The following ADGRL2 variants were observed in gnomAD, a reference collection of about 807,000 sequenced individuals.
ADGRL2 encodes calcium-independent alpha-latrotoxin receptor 2.
A neutral mutation model predicts 157.4 loss-of-function variants in ADGRL2; 44 were observed. The ratio of observed to expected loss-of-function variants is 0.28; its 90% CI spans 0.22 to 0.36. The LOEUF (loss-of-function observed/expected upper bound fraction) is 0.36. Among genes scored for constraint, ADGRL2 ranks in the 10% least tolerant of loss-of-function variants. ADGRL2 has a pLI of 1.00. For missense variants in ADGRL2, 1,510 were observed against 1,768.9 expected (o/e 0.85, Z 2.63); for synonymous variants, 585 against 624.7 (o/e 0.94, Z 0.95).
chr1:81,477,146 A>G (rs1369628660), intron 2 of ADGRL2, among the ~76,000 whole-genome samples: 1 of 152,212 alleles, frequency 6.6e-6, no homozygotes, highest in Non-Finnish European at 1.5e-5. Context: ...GCACTGTGCT[A>G]TGGTTTACAT....
chr1:81,563,748 T>G (rs1464722369), intron 2 of ADGRL2, among the ~76,000 whole-genome samples: 1 of 152,198 alleles, frequency 6.6e-6, no homozygotes, highest in Middle Eastern at 3.2e-3. Context: ...AAGCATAACA[T>G]CTCAAAACAG....
intron 2 of ADGRL2, among the ~76,000 whole-genome samples, chr1:81,470,338 A>C (rs564553274): frequency 2.1e-4 from 32 of 152,122 alleles, no homozygotes; most frequent in Non-Finnish European, 3.5e-4. Context: ...GCTTTGTAAA[A>C]TCCATCATTA....
At chr1:81,438,078 A>G (rs2077441409) in intron 1 of ADGRL2, among the ~76,000 whole-genome samples, 1 of 150,698 alleles carries the variant, frequency 6.6e-6, no homozygotes, top group Non-Finnish European at 1.5e-5. Context: ...TTCTCACCGA[A>G]TATGCCCCGT....
chr1:81,606,448 G>A (rs568530177), intron 3 of ADGRL2, among the ~76,000 whole-genome samples: 1 of 151,794 alleles, frequency 6.6e-6, no homozygotes, highest in African/African-American at 2.4e-5. Flanking sequence ...AATGCACAAA[G>A]TAGACTACCA....
chr1:81,395,921 A>C (rs1467039118), intron 1 of ADGRL2, among the ~76,000 whole-genome samples: 1 of 152,150 alleles, frequency 6.6e-6, no homozygotes, highest in African/African-American at 2.4e-5. Flanking sequence ...TTATGCTAGT[A>C]CCATGTTATT....
At chr1:81,462,564 C>G (rs1322186250) in intron 2 of ADGRL2, among the ~76,000 whole-genome samples, 1 of 152,084 alleles carries the variant, frequency 6.6e-6, no homozygotes, top group Non-Finnish European at 1.5e-5. Context: ...CCTACATGAC[C>G]TACAAACAAT....
chr1:81,822,027 A>AGTTT (rs1557709112), intron 1 of ADGRL2, among the ~76,000 whole-genome samples: 1 of 18,372 alleles, frequency 5.4e-5, no homozygotes, highest in South Asian at 1.2e-3. Context: ...AATATCAGAA[A>AGTTT]CTTTTTTTTT....
intron 1 of ADGRL2, among the ~76,000 whole-genome samples, chr1:81,708,036 T>A (rs1276864898): frequency 6.6e-6 from 1 of 152,202 alleles, no homozygotes; most frequent in Non-Finnish European, 1.5e-5. Flanking sequence ...ACGCTTGTTC[T>A]CTCTTTCTTT....
At position 81,966,169 on chromosome 1, in the gene ADGRL2, A is replaced by G. The variant is rs200568074; in HGVS notation, c.2129A>G (p.Gln710Arg). Residue 710 changes from glutamine to arginine, a missense_variant, in exon 12 of 24, where the codon CAG becomes CGG. Coordinates refer to ENST00000686636, the MANE Select transcript of ADGRL2 (RefSeq NM_001366006.2). The stretch of plus-strand genomic sequence containing the variant: ...CAACTGTCCGCAAATACCGTCAAAC[A>G]GAACAGCAGGAATGGTAAGGTGGAA... ...SIQLSANTVK[Q>R]NSRNGLAKLV... 33 of 1,614,016 alleles carry G rather than the reference A, an allele frequency of 2.0e-5. No homozygotes were observed. Among genetic ancestry groups the G allele is most frequent in the Non-Finnish European group, 2.7e-5 (32 of 1,179,994 alleles).
chr1:81,724,517 T>TA (rs1474155361), intron 1 of ADGRL2, among the ~76,000 whole-genome samples: 1 of 152,146 alleles, frequency 6.6e-6, no homozygotes, highest in East Asian at 1.9e-4. Flanking sequence ...AGTGTAATCC[T>TA]ACCCCCACCT....
At chr1:81,952,240 A>T in intron 9 of ADGRL2, 98 bp downstream of exon 9, 1 of 949,050 alleles carries the variant, frequency 1.1e-6, no homozygotes, top group Non-Finnish European at 1.5e-6. Flanking sequence ...GCCCCGGGAC[A>T]TATACTTAGA....
intron 17 of ADGRL2, among the ~76,000 whole-genome samples, chr1:81,972,908 T>C (rs1659154616): frequency 3.7e-5 from 1 of 26,886 alleles, no homozygotes; most frequent in Admixed American, 5.4e-4. Context: ...CGAGACCCTG[T>C]CTTAAAAAAA....
In ADGRL2 at chr1:81,686,175, C is replaced by T. The variant is rs531378944; in HGVS notation, c.-142-75636C>T. Among the ~76,000 whole-genome samples, 4 of 152,228 alleles carry T rather than the reference C, an allele frequency of 2.6e-5. No homozygotes were observed. The East Asian group carries it at 5.8e-4, about 22-fold the overall frequency. On this transcript the variant is annotated intron_variant, in intron 3 of 24. Transcript: ENST00000370721. ...TAGAATGAGTTAGGGAGGGTTCCTT[C>T]TTTCTCTATCTTGTGGAATAATGCC...
chr1:81,988,541 G>A (rs1257046440), intron 23 of ADGRL2: 1 of 151,904 alleles, frequency 6.6e-6, no homozygotes, highest in Non-Finnish European at 1.5e-5. Context: ...TGTCTACCAA[G>A]TTAAAGGAAG....
intron 3 of ADGRL2, among the ~76,000 whole-genome samples, chr1:81,662,995 G>A (rs866885767): frequency 2.0e-5 from 3 of 152,112 alleles, no homozygotes; most frequent in Middle Eastern, 6.8e-3. Context: ...ACGCTAAAAG[G>A]CCTTACAAAC....
At chr1:81,478,930 G>A (rs999972932) in intron 2 of ADGRL2, among the ~76,000 whole-genome samples, 32 of 151,534 alleles carry the variant, frequency 2.1e-4, no homozygotes, top group African/African-American at 7.8e-4. Flanking sequence ...ATAACTCAGG[G>A]TGCTAATATC....
chr1:81,933,520 G>A (rs2095265552), intron 3 of ADGRL2, among the ~76,000 whole-genome samples: 1 of 152,172 alleles, frequency 6.6e-6, no homozygotes, highest in South Asian at 2.1e-4. Context: ...GCTTTCATTA[G>A]TATGAGAACT....
At chr1:81,540,548 T>A (rs2079857659) in intron 2 of ADGRL2, among the ~76,000 whole-genome samples, 1 of 152,134 alleles carries the variant, frequency 6.6e-6, no homozygotes, top group Admixed American at 6.5e-5. Context: ...GATAGGGTGA[T>A]CACAAAGGCC....
intron 2 of ADGRL2, among the ~76,000 whole-genome samples, chr1:81,488,530 T>C (rs12742326): frequency 0.23 from 21,766 of 95,242 alleles, 1,683 homozygotes; most frequent in Admixed American, 0.3. Flanking sequence ...GCAAAACCTG[T>C]CTCTACAAAA....
Sources: allele counts gnomAD v4.1 joint callset (sites outside exome capture counted in the v4.1 genomes callset), GRCh38; gene constraint gnomAD v4.1.1; transcripts MANE v1.5; gene names NCBI Gene and HGNC (gene_info 2026-07-23, HGNC 2026-07-21).